TRPM3: variants seen among roughly 807,000 people sequenced by gnomAD.
The protein encoded by TRPM3 is transient receptor potential cation channel subfamily M member 3.
Under a neutral mutation model 181.2 loss-of-function variants are expected in TRPM3, and 77 were observed. The ratio of observed to expected loss-of-function variants is 0.42; its 90% CI spans 0.35 to 0.51. The LOEUF is 0.51. Ranked by LOEUF, TRPM3 falls within the 20% of genes least tolerant of loss-of-function variation. TRPM3 has a pLI of 0.01. For missense variants in TRPM3, 1,759 were observed against 2,196.7 expected, an observed-to-expected ratio of 0.80 and a Z score of 3.98; for synonymous variants, 745 against 796.4, an observed-to-expected ratio of 0.94 and a Z score of 1.09.
chr9:71,047,239 C>T (rs1318839521), intron 1 of TRPM3, among the ~76,000 whole-genome samples: 1 of 152,098 alleles, frequency 6.6e-6, no homozygotes, highest in Non-Finnish European at 1.5e-5. Context: ...GAATTATTAC[C>T]ACTAGAGATT....
At chr9:71,133,884 G>A (rs991449089) in intron 1 of TRPM3, among the ~76,000 whole-genome samples, 2 of 151,932 alleles carry the variant, frequency 1.3e-5, no homozygotes, top group African/African-American at 4.8e-5. Context: ...AGTGTTCTAT[G>A]GTTAGTAAGC....
At chr9:71,103,384 A>G (rs1364026907) in intron 1 of TRPM3, among the ~76,000 whole-genome samples, 4 of 152,224 alleles carry the variant, frequency 2.6e-5, no homozygotes, top group Non-Finnish European at 4.4e-5. Flanking sequence ...TGTGAAAGCT[A>G]GTCTCTCAAC....
intron 1 of TRPM3, among the ~76,000 whole-genome samples, chr9:70,870,595 A>G (rs1034643624): frequency 2.0e-5 from 3 of 152,042 alleles, no homozygotes; most frequent in Non-Finnish European, 4.4e-5. Context: ...AGTGTTATTT[A>G]TAATACAGAA....
chr9:70,891,128 A>C (rs908417582), intron 1 of TRPM3, among the ~76,000 whole-genome samples: 4 of 152,210 alleles, frequency 2.6e-5, no homozygotes, highest in African/African-American at 9.7e-5. Context: ...TATGTAACAA[A>C]CCTGCACGTT....
At chr9:71,262,599 T>C (rs1170333141) in intron 1 of TRPM3, among the ~76,000 whole-genome samples, 1 of 152,206 alleles carries the variant, frequency 6.6e-6, no homozygotes, top group African/African-American at 2.4e-5. Flanking sequence ...CTCCTGCAGC[T>C]AGCTCAGTGT....
chr9:71,402,350 C>A (rs1177557728), intron 1 of TRPM3, among the ~76,000 whole-genome samples: 1 of 152,162 alleles, frequency 6.6e-6, no homozygotes, highest in East Asian at 1.9e-4. Flanking sequence ...TGATCATTTT[C>A]TATCACGTGG....
At chr9:70,961,498 C>T (rs370572353) in intron 1 of TRPM3, among the ~76,000 whole-genome samples, 6 of 152,134 alleles carry the variant, frequency 3.9e-5, no homozygotes, top group African/African-American at 1.4e-4. Flanking sequence ...GCTTGTTCAC[C>T]CAGGGTGTTT....
chr9:71,346,859 C>T (rs541668093), intron 1 of TRPM3, among the ~76,000 whole-genome samples: 2 of 144,514 alleles, frequency 1.4e-5, no homozygotes, highest in East Asian at 2.1e-4. Context: ...GTGAGGATCA[C>T]GACAGAGAAT....
intron 1 of TRPM3, among the ~76,000 whole-genome samples, chr9:71,075,752 A>C (rs477084): frequency 0.24 from 37,256 of 152,082 alleles, 5,142 homozygotes; most frequent in East Asian, 0.4. Flanking sequence ...TTCTTATTCC[A>C]ATTTAGGGAA....
At chr9:71,207,385 A>G (rs1200816239) in intron 1 of TRPM3, among the ~76,000 whole-genome samples, 1 of 152,150 alleles carries the variant, frequency 6.6e-6, no homozygotes, top group East Asian at 1.9e-4. Context: ...TTTCTAATTT[A>G]ACTCTACCAA....
chr9:71,413,208 G>T (rs867561234), intron 1 of TRPM3, among the ~76,000 whole-genome samples: 2 of 152,022 alleles, frequency 1.3e-5, no homozygotes, highest in South Asian at 2.1e-4. Flanking sequence ...TAACAAACCT[G>T]CATGTTGTGT....
intron 9 of TRPM3, among the ~76,000 whole-genome samples, chr9:70,654,038 G>A (rs2059942847): frequency 6.6e-6 from 1 of 151,808 alleles, no homozygotes; most frequent in Non-Finnish European, 1.5e-5. Context: ...ACTTAGGGGT[G>A]GCTAAGCACA....
intron 1 of TRPM3, among the ~76,000 whole-genome samples, chr9:71,308,304 C>T (rs919422771): frequency 6.6e-6 from 1 of 152,060 alleles, no homozygotes; most frequent in Non-Finnish European, 1.5e-5. Flanking sequence ...TATTACTCTG[C>T]TTGTCTTTAT....
In TRPM3 at chr9:70,552,923, G is replaced by A; in HGVS notation, c.3495C>T (p.His1165=). Residue 1165 remains histidine, a synonymous_variant, in exon 24 of 26, where the codon CAC becomes CAT. Coordinates refer to ENST00000677713, the MANE Select transcript of TRPM3 (RefSeq NM_001366145.2). The stretch of plus-strand genomic sequence containing the variant: ...ACAGGTGCTGGAATATCATGGTCAT[G>A]TGGCTGAAGATGATCAGTGGTGGGG... ...VLPPPLIIFS[H]MTMIFQHLCC... is the part of the protein sequence containing the mutation. 6.2e-7 allele frequency: 1 copy of A among 1,614,220 alleles called. No individual in the cohort carries two copies. Among genetic ancestry groups the A allele is most frequent in the Non-Finnish European group, 8.5e-7 (1 of 1,180,034 alleles).
chr9:70,547,611 G>A lies in TRPM3; in HGVS notation c.3707+1931C>T, dbSNP rs535517655. ...TCTAAAACCCACACAAACAGAAGCA[G>A]CAGAATGAAGCCTGGCTTAGGTTTG... On this transcript the variant is annotated intron_variant, in intron 25 of 25. Coordinates refer to ENST00000677713, the MANE Select transcript of TRPM3 (RefSeq NM_001366145.2). 3.3e-5 allele frequency among the ~76,000 whole-genome samples: 5 copies of A among 151,666 alleles called. No homozygotes were observed. In the East Asian group the frequency reaches 7.8e-4, roughly 24 times the overall value.
chr9:71,157,125 G>A (rs1434418044), intron 1 of TRPM3, among the ~76,000 whole-genome samples: 1 of 152,096 alleles, frequency 6.6e-6, no homozygotes, highest in Non-Finnish European at 1.5e-5. Flanking sequence ...GACTTTCTTA[G>A]AGTCTAGGTT....
At chr9:71,298,983 C>A (rs918770557) in intron 1 of TRPM3, among the ~76,000 whole-genome samples, 2 of 151,980 alleles carry the variant, frequency 1.3e-5, no homozygotes, top group East Asian at 3.8e-4. Context: ...CTAGATAAAT[C>A]TTTGTCTAAA....
intron 1 of TRPM3, among the ~76,000 whole-genome samples, chr9:71,233,870 G>T (rs1300632843): frequency 2.0e-5 from 3 of 152,158 alleles, no homozygotes; most frequent in Non-Finnish European, 4.4e-5. Context: ...ATAAAATCCG[G>T]TTGACCTACT....
intron 1 of TRPM3, among the ~76,000 whole-genome samples, chr9:71,265,315 C>T (rs958273893): frequency 1.4e-4 from 21 of 152,184 alleles, no homozygotes; most frequent in Non-Finnish European, 2.4e-4. Context: ...GTTACCTTTC[C>T]GACATTAACT....
Sources: gnomAD v4.1 joint callset for allele counts (sites outside exome capture counted in the v4.1 genomes callset) on GRCh38, gnomAD v4.1.1 for gene constraint, MANE v1.5 for transcripts, NCBI Gene and HGNC (gene_info 2026-07-23, HGNC 2026-07-21) for gene names.